SYNE3: variants seen among roughly 807,000 people sequenced by gnomAD.
SYNE3 encodes spectrin repeat containing nuclear envelope family member 3.
A neutral mutation model predicts 111.2 loss-of-function variants in SYNE3; 100 were observed. That is an observed-to-expected ratio of 0.90 (90% confidence interval 0.77 to 1.06). The LOEUF (loss-of-function observed/expected upper bound fraction) is 1.06, where lower values mean the gene tolerates loss of function less well. SYNE3 is among the 50% of genes least tolerant of loss of function. The pLI, the probability that SYNE3 is intolerant of heterozygous loss-of-function variation, is 0.00. For synonymous variants in SYNE3, 547 were observed against 533.9 expected, an observed-to-expected ratio of 1.02 and a Z score of -0.34; for missense variants, 1,160 against 1,240.3, an observed-to-expected ratio of 0.94 and a Z score of 0.97.
intron 1 of SYNE3, among the ~76,000 whole-genome samples, chr14:95,486,365 C>A (rs1889545981): frequency 6.6e-6 from 1 of 152,130 alleles, no homozygotes; most frequent in African/African-American, 2.4e-5. Context: ...CCAGGCCACC[C>A]CCCACCCCTC....
chr14:95,457,248 C>T lies in SYNE3; in HGVS notation c.718G>A (p.Val240Met). ...CCCAGGCAGCCATTCACCTTCTCCA[C>T]CACCGCCTTCAGCCACAGTTGGAAC... ...DEFQLWLKAV[V>M]EKVNGCLGRN... Residue 240 changes from valine to methionine, a missense_variant, in exon 5 of 18, where the codon GTG (valine) becomes ATG (methionine). Physicochemically the swap from Val to Met is conservative, Grantham distance 21. Transcript: ENST00000682763. The T allele has an allele frequency of 6.2e-7, 1 of 1,614,186 alleles. No homozygotes were observed. The highest frequency in any genetic ancestry group is 8.5e-7 in the Non-Finnish European group (1 of 1,180,034).
At chr14:95,478,904 G>A (rs1191721638) in intron 1 of SYNE3, among the ~76,000 whole-genome samples, 1 of 152,146 alleles carries the variant, frequency 6.6e-6, no homozygotes, top group Non-Finnish European at 1.5e-5. Context: ...CCAGCAGGCA[G>A]CAAAGCTAGC....
intron 1 of SYNE3, among the ~76,000 whole-genome samples, chr14:95,515,132 AG>A: frequency 6.6e-6 from 1 of 152,194 alleles, no homozygotes; most frequent in East Asian, 1.9e-4. Context: ...CAGGACCCCC[AG>A]CAAGACACGA....
chr14:95,436,795 G>C, intron 15 of SYNE3, 25 bp downstream of exon 15: 1 of 1,612,112 alleles, frequency 6.2e-7, no homozygotes, highest in Non-Finnish European at 8.5e-7. Context: ...CCTTATGGAT[G>C]AGGGACCTTT....
Position 95,409,354 on chromosome 14 carries a change from T to A in SYNE3, c.*8472A>T, listed in dbSNP as rs1405882337. 2.2e-6 allele frequency: 1 copy of A among 456,686 alleles called. No homozygotes were observed. Among genetic ancestry groups the A allele is most frequent in the South Asian group, 1.5e-5 (1 of 64,572 alleles). The allele number at this position is 456,686 out of a possible 1,614,324, so 28.3% of individuals were successfully genotyped here. Reference sequence around the variant, plus strand: ...TATGTTTTCTTCCCTCCCTTTCTCATCAGAACAGGAAGAGGGACTGTAGGA... The same window carrying A: ...TATGTTTTCTTCCCTCCCTTTCTCAACAGAACAGGAAGAGGGACTGTAGGA... On this transcript the variant is annotated 3_prime_UTR_variant, in exon 18 of 18. Coordinates refer to ENST00000682763, the MANE Select transcript of SYNE3 (RefSeq NM_152592.6).
rs780512178 is a variant in SYNE3 at position 95,457,276 on chromosome 14, G to A, written c.690C>T (p.Asp230=). The A allele has an allele frequency of 5.7e-5, 92 of 1,613,910 alleles. No homozygotes were observed. The South Asian group carries it at 8.2e-4, about 14-fold the overall frequency. ...REHEEYQAGV[D]EFQLWLKAVV... is the part of the protein sequence containing the mutation. ...CCGCCTTCAGCCACAGTTGGAACTCGTCCACACCTGCCTGGTACTCCTCAT... is the reference window on the plus strand; with the variant it reads ...CCGCCTTCAGCCACAGTTGGAACTCATCCACACCTGCCTGGTACTCCTCAT... Residue 230 remains aspartate, a synonymous_variant, in exon 5 of 18, where the codon GAC becomes GAT. Transcript: ENST00000682763.
At chr14:95,509,068 A>G (rs893832924) in intron 1 of SYNE3, among the ~76,000 whole-genome samples, 43 of 152,240 alleles carry the variant, frequency 2.8e-4, no homozygotes, top group Non-Finnish European at 3.5e-4. Flanking sequence ...TCCTGTCTCC[A>G]GCCCTCAAGG....
At position 95,436,879 on chromosome 14, in the gene SYNE3, T is replaced by C. The variant is rs1276728108; in HGVS notation, c.2479A>G (p.Ile827Val). 2 of 1,614,066 alleles carry C rather than the reference T, an allele frequency of 1.2e-6. No individual in the cohort carries two copies. Reference protein sequence around the residue: ...LQVENSKLVRIIAMRTSTAED... With the variant: ...LQVENSKLVRVIAMRTSTAED... The stretch of plus-strand genomic sequence containing the variant: ...GCTGTAGAAGTTCTCATTGCGATGA[T>C]TCTAACCAGCTTGGAGTTTTCCACC... Residue 827 changes from isoleucine (I) to valine (V), a missense_variant, in exon 15 of 18, where the codon ATC (isoleucine) becomes GTC (valine). By Grantham distance (29) the Ile-to-Val change is conservative. Coordinates refer to ENST00000682763, the MANE Select transcript of SYNE3 (RefSeq NM_152592.6).
intron 1 of SYNE3, among the ~76,000 whole-genome samples, chr14:95,493,207 T>G (rs924323353): frequency 6.6e-6 from 1 of 152,148 alleles, no homozygotes; most frequent in African/African-American, 2.4e-5. Context: ...GCTTGAGACC[T>G]TTTTTTCCAA....
chr14:95,493,837 C>T (rs1889960140), intron 1 of SYNE3, among the ~76,000 whole-genome samples: 1 of 152,256 alleles, frequency 6.6e-6, no homozygotes, highest in Non-Finnish European at 1.5e-5. Flanking sequence ...GAGGAATAAA[C>T]TCCCCCTGTG....
In SYNE3 at chr14:95,455,993, A is replaced by G. The variant is rs1048458819; in HGVS notation, c.790-269T>C. On this transcript the variant is annotated intron_variant, in intron 5 of 17. Coordinates refer to ENST00000682763, the MANE Select transcript of SYNE3 (RefSeq NM_152592.6). ...TCTCTGTTGGGTGCTTCTGTCTTGA[A>G]CACTTTCTGACATTTGTTTATCTTC... The G allele has an allele frequency of 8.9e-6, 4 of 449,532 alleles. No homozygotes were observed. In the South Asian group the frequency reaches 2.9e-4, roughly 33 times the overall value. The allele number at this position is 449,532 out of a possible 1,614,324, so 27.8% of individuals were successfully genotyped here.
chr14:95,469,408 C>T lies in SYNE3; in HGVS notation c.145-1441G>A, dbSNP rs114337938. Among the ~76,000 whole-genome samples, 1,474 of 151,674 alleles carry T rather than the reference C, an allele frequency of 9.7e-3. 19 individuals carry two copies. The highest frequency in any genetic ancestry group is 0.034 in the African/African-American group (1,386 of 41,302). On this transcript the variant is annotated intron_variant, in intron 2 of 17. Coordinates refer to ENST00000682763, the MANE Select transcript of SYNE3 (RefSeq NM_152592.6). ...GGTTATAATATTAATTTTAAAAACACTTTTATCCAGGTACAGTGCTGCATG... is the reference window on the plus strand; with the variant it reads ...GGTTATAATATTAATTTTAAAAACATTTTTATCCAGGTACAGTGCTGCATG...
rs1890949484 is a variant in SYNE3, at chr14:95,516,590, A to G, written c.-15+6T>C. 2.2e-5 allele frequency among the ~76,000 whole-genome samples: 2 copies of G among 92,864 alleles called. No homozygotes were observed. The highest frequency in any genetic ancestry group is 3.7e-5 in the African/African-American group (1 of 27,344). 60.9% of individuals were successfully genotyped at this position (92,864 alleles called of 152,430 possible). On this transcript the variant is annotated splice_donor_region_variant and intron_variant, in intron 1 of 17. Transcript: ENST00000682763. ...AGGCCTGGCCTCCCGGCCCCGTGCCACTTACCCTCCCGGAGCGTGGAGGAG... is the reference window on the plus strand; with the variant it reads ...AGGCCTGGCCTCCCGGCCCCGTGCCGCTTACCCTCCCGGAGCGTGGAGGAG...
In SYNE3 at chr14:95,476,190, C is replaced by T. The variant is rs369742105; in HGVS notation, c.-14-355G>A. Among the ~76,000 whole-genome samples, 9 of 152,326 alleles carry T rather than the reference C, an allele frequency of 5.9e-5. No individual in the cohort carries two copies. In the East Asian group the frequency reaches 1.7e-3, roughly 29 times the overall value. On this transcript the variant is annotated intron_variant, in intron 1 of 17. Transcript: ENST00000682763. ...AAAGAGGACGTCAAAACCTGCAGTC[C>T]GAAACGTCTGGACCCATAATGATCT...
intron 14 of SYNE3, 165 bp downstream of exon 14, chr14:95,438,868 C>T (rs1886245191): frequency 1.0e-6 from 1 of 957,580 alleles, no homozygotes; most frequent in Non-Finnish European, 1.6e-6. Context: ...GGATCAAATG[C>T]TCTTTGGCCA....
chr14:95,419,419 G>A (rs1884944974), intron 17 of SYNE3, among the ~76,000 whole-genome samples: 1 of 152,084 alleles, frequency 6.6e-6, no homozygotes, highest in South Asian at 2.1e-4. Flanking sequence ...AAATGTACCA[G>A]TTCTTACTAT....
intron 1 of SYNE3, among the ~76,000 whole-genome samples, chr14:95,501,791 C>T (rs1235684769): frequency 1.3e-5 from 2 of 152,170 alleles, no homozygotes; most frequent in Non-Finnish European, 2.9e-5. Context: ...TTGTCCCCAG[C>T]GGGGAAGAAA....
chr14:95,512,714 C>T (rs1226740070), intron 1 of SYNE3, among the ~76,000 whole-genome samples: 1 of 151,558 alleles, frequency 6.6e-6, no homozygotes, highest in Non-Finnish European at 1.5e-5. Context: ...AAAAATTAGC[C>T]GGACGTGGTG....
intron 1 of SYNE3, among the ~76,000 whole-genome samples, chr14:95,491,551 T>C (rs1432677969): frequency 1.3e-5 from 2 of 152,094 alleles, no homozygotes; most frequent in African/African-American, 2.4e-5. Flanking sequence ...GACTCTTACA[T>C]CACACCGTAT....
Sources: gnomAD v4.1 joint callset for allele counts (sites outside exome capture counted in the v4.1 genomes callset) on GRCh38, gnomAD v4.1.1 for gene constraint, MANE v1.5 for transcripts, NCBI Gene and HGNC (gene_info 2026-07-23, HGNC 2026-07-21) for gene names.